Variants in CC2D2B observed in about 807,000 individuals in gnomAD.
CC2D2B encodes the protein protein CC2D2B.
Under a neutral mutation model 161.2 loss-of-function variants are expected in CC2D2B, and 128 were observed. The ratio of observed to expected loss-of-function variants is 0.79; its 90% CI spans 0.69 to 0.92. The LOEUF is 0.92. CC2D2B is among the 40% of genes least tolerant of loss of function. The pLI, the probability that CC2D2B is intolerant of heterozygous loss-of-function variation, is 0.00. For synonymous variants in CC2D2B, 391 were observed against 449.8 expected, an observed-to-expected ratio of 0.87 and a Z score of 1.65; for missense variants, 1,173 against 1,375.1, an observed-to-expected ratio of 0.85 and a Z score of 2.32.
rs2075889527 is a variant in CC2D2B at position 95,938,044 on chromosome 10, A to C, written c.390A>C (p.Gln130His). Reference protein sequence around the residue: ...PKCFSLGVNLQNVAESEEEEF... With the variant: ...PKCFSLGVNLHNVAESEEEEF... ...GCTTTTCACTTGGTGTTAATTTACA[A>C]AATGTTGCTGAGAGTGAAGAGGAAG... Residue 130 changes from glutamine (Q) to histidine (H), a missense_variant, in exon 7 of 35, where the codon CAA (glutamine) becomes CAC (histidine). Gln to His is a conservative substitution (Grantham distance 24). Around this residue, in one of 3 missense-constraint regions of CC2D2B, gnomAD observed 298 missense variants for 261.2 expected, o/e 1.14. Transcript: ENST00000646931. The C allele has an allele frequency of 6.4e-7, 1 of 1,551,130 alleles. No homozygotes were observed. Among genetic ancestry groups the C allele is most frequent in the African/African-American group, 1.4e-5 (1 of 73,038 alleles).
intron 33 of CC2D2B, among the ~76,000 whole-genome samples, chr10:96,025,174 T>TAC (rs1564683948): frequency 2.6e-4 from 4 of 15,098 alleles, no homozygotes; most frequent in Non-Finnish European, 3.5e-4. Flanking sequence ...TATATATATA[T>TAC]ATATATATAT....
rs573533124 is a variant in CC2D2B, at chr10:96,013,893, T to A, written c.3516+16T>A. 138 of 1,275,444 alleles carry A rather than the reference T, an allele frequency of 1.1e-4. No homozygotes were observed. The East Asian group carries it at 3.5e-3, about 32-fold the overall frequency. The allele number at this position is 1,275,444 out of a possible 1,614,324, so 79.0% of individuals were successfully genotyped here. A position where few individuals can be genotyped will look rare whatever the true frequency, so the allele number is the denominator to read the frequency against. On this transcript the variant is annotated intron_variant, in intron 29 of 34. Coordinates refer to ENST00000646931, the MANE Select transcript of CC2D2B (RefSeq NM_001349008.3). Reference sequence around the variant, plus strand: ...GACATCAGAGGTAATAAATTACATTTTATATATATAATTGAAATATATAGT... The same window carrying A: ...GACATCAGAGGTAATAAATTACATTATATATATATAATTGAAATATATAGT...
chr10:95,957,054 G>C (rs2076590058), intron 11 of CC2D2B, among the ~76,000 whole-genome samples: 1 of 152,058 alleles, frequency 6.6e-6, no homozygotes, highest in African/African-American at 2.4e-5. Context: ...GTTAATTTTG[G>C]TCAATGTCAG....
chr10:95,999,994 G>A, intron 24 of CC2D2B: 1 of 1,010,524 alleles, frequency 9.9e-7, no homozygotes, highest in South Asian at 1.4e-5. Flanking sequence ...TAATTCTCTT[G>A]GCAAGAATCT....
chr10:95,923,974 T>C (rs2098533337), intron 3 of CC2D2B, among the ~76,000 whole-genome samples: 2 of 151,936 alleles, frequency 1.3e-5, no homozygotes, highest in Admixed American at 6.6e-5. Flanking sequence ...TGAACCAAGA[T>C]GGTGTCACTG....
At chr10:95,991,961 G>C (rs1054275473) in intron 21 of CC2D2B, among the ~76,000 whole-genome samples, 9 of 152,176 alleles carry the variant, frequency 5.9e-5, no homozygotes, top group African/African-American at 2.2e-4. Context: ...GGTAGGAACA[G>C]GGCTGTCTCT....
At chr10:96,012,800 T>C (rs1590879952) in intron 28 of CC2D2B, 71 bp downstream of exon 28, 1 of 994,054 alleles carries the variant, frequency 1.0e-6, no homozygotes, top group Non-Finnish European at 1.6e-6. Flanking sequence ...TTTTACCTTT[T>C]GTGTATTTGG....
At chr10:95,937,238 A>G (rs1172954331) in intron 6 of CC2D2B, among the ~76,000 whole-genome samples, 1 of 152,082 alleles carries the variant, frequency 6.6e-6, no homozygotes, top group Non-Finnish European at 1.5e-5. Flanking sequence ...TTTACCCTAA[A>G]TGTGTGTTTT....
chr10:95,920,285 G>A (rs141398625), intron 2 of CC2D2B: 2,309 of 154,746 alleles, frequency 0.015, 26 homozygotes, highest in Middle Eastern at 0.049. Flanking sequence ...TGGTTGGGAA[G>A]GCCTCAGGAA....
intron 1 of CC2D2B, among the ~76,000 whole-genome samples, chr10:95,908,651 G>A (rs1166646248): frequency 6.6e-6 from 1 of 152,124 alleles, no homozygotes; most frequent in Non-Finnish European, 1.5e-5. Flanking sequence ...CTGCGGCTTA[G>A]ATGGGGAAGT....
At chr10:95,997,454 A>G (rs764624078) in intron 24 of CC2D2B, among the ~76,000 whole-genome samples, 16 of 151,948 alleles carry the variant, frequency 1.1e-4, no homozygotes, top group Non-Finnish European at 2.1e-4. Flanking sequence ...GCAGTTGTAT[A>G]ATCATAGCTC....
At chr10:95,926,858 G>C (rs865889936) in intron 5 of CC2D2B, among the ~76,000 whole-genome samples, 2 of 134,110 alleles carry the variant, frequency 1.5e-5, no homozygotes, top group African/African-American at 5.7e-5. Context: ...CTGTGTGTGT[G>C]TGTGTGTGTG....
At chr10:95,979,995 G>A (rs776835123) in intron 17 of CC2D2B, among the ~76,000 whole-genome samples, 13 of 152,222 alleles carry the variant, frequency 8.5e-5, no homozygotes, top group Non-Finnish European at 1.6e-4. Context: ...TAGAATTAAA[G>A]CTCGCCTCTT....
Position 95,995,323 on chromosome 10 carries a change from A to C in CC2D2B, c.2697A>C (p.Arg899Ser). The change falls in exon 23 of 35, where the codon AGA becomes AGC. Residue 899 changes from arginine to serine, a missense_variant. Physicochemically the swap from Arg to Ser is moderately radical, Grantham distance 110. Transcript: ENST00000646931. ...CATCTATATCTTGCCTCAGACATAG[A>C]GAAACAATCAAATCAGTAGCCTCAG... The part of the protein sequence containing the change: ...LKSSISCLRH[R>S]ETIKSVASDE... 6.5e-7 allele frequency: 1 copy of C among 1,532,390 alleles called. No homozygotes were observed. The highest frequency in any genetic ancestry group is 8.7e-7 in the Non-Finnish European group (1 of 1,144,804). 94.9% of individuals were successfully genotyped at this position (1,532,390 alleles called of 1,614,324 possible).
intron 17 of CC2D2B, among the ~76,000 whole-genome samples, chr10:95,978,366 T>C (rs990282531): frequency 2.6e-5 from 4 of 152,160 alleles, no homozygotes; most frequent in Non-Finnish European, 5.9e-5. Context: ...TGGTCTATTA[T>C]TCATTTATTT....
intron 24 of CC2D2B, among the ~76,000 whole-genome samples, chr10:95,997,104 T>C (rs1266378526): frequency 1.3e-5 from 2 of 152,226 alleles, no homozygotes; most frequent in Non-Finnish European, 2.9e-5. Context: ...TAAATTTCTG[T>C]TCTTTATAAA....
chr10:96,001,932 G>A (rs765370661), intron 24 of CC2D2B, among the ~76,000 whole-genome samples: 9 of 151,880 alleles, frequency 5.9e-5, no homozygotes, highest in Non-Finnish European at 1.0e-4. Context: ...TGACTTAAAG[G>A]GAAATCTGTT....
chr10:95,938,537 T>C (rs1173695145), intron 7 of CC2D2B, 32 bp from the exon 8 acceptor site: 2 of 661,964 alleles, frequency 3.0e-6, no homozygotes, highest in Admixed American at 5.5e-5. Context: ...TTTTGGACTT[T>C]AAAGTAATAT....
At chr10:95,991,334 C>T (rs1039369518) in intron 20 of CC2D2B, 36 bp from the exon 21 acceptor site, 8 of 668,976 alleles carry the variant, frequency 1.2e-5, no homozygotes, top group Non-Finnish European at 1.7e-5. Context: ...AAAATATAAA[C>T]AATACATTTT....
Sources: gnomAD v4.1 joint callset for allele counts (sites outside exome capture counted in the v4.1 genomes callset) on GRCh38, gnomAD v4.1.1 for gene constraint, gnomAD v4.1.1 regional missense constraint, MANE v1.5 for transcripts, NCBI Gene and HGNC (gene_info 2026-07-23, HGNC 2026-07-21) for gene names.